The following RRM2 variants were observed in gnomAD, a reference collection of about 807,000 sequenced individuals.
RRM2 encodes the protein ribonucleotide reductase regulatory subunit M2, also known as ribonucleoside-diphosphate reductase subunit M2.
In RRM2, 6 loss-of-function variants were observed where a neutral mutation model predicts 45.9. That is an observed-to-expected ratio of 0.13 (90% CI 0.07 to 0.26). The LOEUF (loss-of-function observed/expected upper bound fraction) is 0.26. Ranked by LOEUF, RRM2 falls within the 10% of genes least tolerant of loss-of-function variation. The probability of loss-of-function intolerance (pLI) is 1.00; values close to 1 mark genes in which losing one functional copy is unlikely to be tolerated. For synonymous variants in RRM2, 177 were observed against 173.0 expected (o/e 1.02, Z -0.18); for missense variants, 343 against 489.5 (o/e 0.70, Z 2.82).
intron 3 of RRM2, among the ~76,000 whole-genome samples, chr2:10,163,682 C>T (rs965064816): frequency 1.3e-5 from 2 of 152,234 alleles, no homozygotes; most frequent in African/African-American, 4.8e-5. Context: ...CAGGCGCGAG[C>T]CTCGGTTCCC....
chr2:10,186,284 A>G (rs1664163638), intron 3 of RRM2, among the ~76,000 whole-genome samples: 1 of 150,486 alleles, frequency 6.6e-6, no homozygotes, highest in African/African-American at 2.4e-5. Context: ...AGTAGCTGGG[A>G]TTACAGGCGC....
intron 3 of RRM2, among the ~76,000 whole-genome samples, chr2:10,200,563 AAAATATGAGGCCCACAGGGACCGCGCGCG>A (rs1558406827): frequency 0.024 from 404 of 16,514 alleles, 9 homozygotes; most frequent in East Asian, 0.058. Flanking sequence ...CCGCGCGCGC[AAAATATGAGGCCCACAGGGACCGCGCGCG>A]CAAAATATGA....
chr2:10,176,078 G>A (rs1663908821), intron 3 of RRM2, among the ~76,000 whole-genome samples: 1 of 152,116 alleles, frequency 6.6e-6, no homozygotes, highest in African/African-American at 2.4e-5. Flanking sequence ...TTTCATTATG[G>A]ATATCATGGC....
At chr2:10,153,239 A>G (rs919740363) in intron 3 of RRM2, among the ~76,000 whole-genome samples, 1 of 151,994 alleles carries the variant, frequency 6.6e-6, no homozygotes, top group African/African-American at 2.4e-5. Context: ...GAGGCTGAGG[A>G]AGGAGAATCA....
intron 5 of RRM2, among the ~76,000 whole-genome samples, chr2:10,125,634 C>T (rs534610811): frequency 1.3e-3 from 196 of 152,210 alleles, no homozygotes; most frequent in Admixed American, 3.5e-3. Context: ...GCGGAGCTTG[C>T]GCTCCAGCCT....
At position 10,190,536 on chromosome 2, in the gene RRM2, TTGA is replaced by T. The variant is rs377438753; in HGVS notation, n.483-19772_483-19770del. Reference sequence around the variant, plus strand: ...AATAATGACGGTGGTAATGATGGTGTTGATGGTGGTGGTGAGGATGGTGGTGGT... The same window carrying T: ...AATAATGACGGTGGTAATGATGGTGTTGGTGGTGGTGAGGATGGTGGTGGT... On this transcript the variant is annotated intron_variant and non_coding_transcript_variant, in intron 3 of 3. Coordinates refer to the RRM2 transcript ENST00000381786. Among the ~76,000 whole-genome samples, 1,135 of 122,170 alleles carry T rather than the reference TTGA, an allele frequency of 9.3e-3. 24 individuals are homozygous for T. The highest frequency in any genetic ancestry group is 0.034 in the African/African-American group (1,060 of 31,530). The allele number at this position is 122,170 out of a possible 152,430, so 80.1% of individuals were successfully genotyped here. A position where few individuals can be genotyped will look rare whatever the true frequency, so the allele number is the denominator to read the frequency against.
intron 3 of RRM2, among the ~76,000 whole-genome samples, chr2:10,206,020 G>A (rs1664657418): frequency 6.6e-6 from 1 of 152,058 alleles, no homozygotes; most frequent in Non-Finnish European, 1.5e-5. Flanking sequence ...GCCGAAGCGG[G>A]AGGATCATGA....
In RRM2 at chr2:10,186,736, C is replaced by T. The variant is rs572341471; in HGVS notation, n.483-23575C>T. Among the ~76,000 whole-genome samples, 4 of 152,356 alleles carry T rather than the reference C, an allele frequency of 2.6e-5. No individual in the cohort carries two copies. In the South Asian group the frequency reaches 8.3e-4, roughly 32 times the overall value. ...TCCTGCTTAGCACATAGTAAGTGCT[C>T]AGCGAACTTACTTACCACTTATTAC... On this transcript the variant is annotated intron_variant and non_coding_transcript_variant, in intron 3 of 3. Transcript: ENST00000381786.
chr2:10,190,072 T>TG, intron 3 of RRM2, among the ~76,000 whole-genome samples: 1 of 147,972 alleles, frequency 6.8e-6, no homozygotes, highest in Non-Finnish European at 1.5e-5. Flanking sequence ...GTGGTGATGG[T>TG]TATGATGGTG....
At chr2:10,203,865 C>T (rs1373081642) in intron 3 of RRM2, among the ~76,000 whole-genome samples, 5 of 152,062 alleles carry the variant, frequency 3.3e-5, no homozygotes, top group African/African-American at 9.7e-5. Context: ...AACTCTCAGG[C>T]TCTTTCTCCA....
rs944195519 is a variant in RRM2 at position 10,142,556 on chromosome 2, C to T, written n.482+181C>T. Reference sequence around the variant, plus strand: ...TACGTGTGGCCAGGCGGGGGAGCTTCGCCCTCCCATGTCCCTCACCCCATG... The same window carrying T: ...TACGTGTGGCCAGGCGGGGGAGCTTTGCCCTCCCATGTCCCTCACCCCATG... On this transcript the variant is annotated intron_variant and non_coding_transcript_variant, in intron 3 of 3. Coordinates refer to the RRM2 transcript ENST00000381786. Among the ~76,000 whole-genome samples the T allele has an allele frequency of 1.3e-4, 20 of 149,532 alleles. No individual in the cohort carries two copies. In the Middle Eastern group the frequency reaches 0.01, roughly 76 times the overall value.
intron 3 of RRM2, among the ~76,000 whole-genome samples, chr2:10,190,202 A>G (rs917710035): frequency 2.3e-4 from 21 of 90,044 alleles, no homozygotes; most frequent in Admixed American, 4.2e-4. Flanking sequence ...TGGTGGTGGT[A>G]CTGATGATGG....
At chr2:10,202,590 G>C (rs1664588365) in intron 3 of RRM2, among the ~76,000 whole-genome samples, 1 of 152,114 alleles carries the variant, frequency 6.6e-6, no homozygotes, top group Non-Finnish European at 1.5e-5. Flanking sequence ...TTTATTTTGG[G>C]GTGAGAAGGT....
chr2:10,190,412 TGGG>T (rs749870286), intron 3 of RRM2, among the ~76,000 whole-genome samples: 11 of 121,056 alleles, frequency 9.1e-5, no homozygotes, highest in Non-Finnish European at 1.3e-4. Context: ...ATGGTGGTGA[TGGG>T]GGGGTTGGTG....
At chr2:10,187,442 G>A (rs1163157544) in intron 3 of RRM2, among the ~76,000 whole-genome samples, 2 of 152,218 alleles carry the variant, frequency 1.3e-5, no homozygotes, top group Non-Finnish European at 2.9e-5. Context: ...AAGGTGGCCC[G>A]GGGCCAACTG....
At chr2:10,154,614 G>A (rs950600908) in intron 3 of RRM2, among the ~76,000 whole-genome samples, 1 of 151,928 alleles carries the variant, frequency 6.6e-6, no homozygotes, top group Non-Finnish European at 1.5e-5. Context: ...GAAGAAAGGA[G>A]GAGGACCAAG....
intron 3 of RRM2, among the ~76,000 whole-genome samples, chr2:10,200,004 TG>T (rs1241477594): frequency 6.6e-6 from 1 of 152,004 alleles, no homozygotes; most frequent in Non-Finnish European, 1.5e-5. Context: ...AGCTAATTTT[TG>T]TATTTTTAGT....
intron 3 of RRM2, among the ~76,000 whole-genome samples, chr2:10,160,363 C>G (rs760610006): frequency 1.3e-5 from 2 of 152,212 alleles, no homozygotes; most frequent in Admixed American, 1.3e-4. Flanking sequence ...AGGGTCCCTG[C>G]TGCCTGCACG....
chr2:10,164,241 A>G (rs1026680935), intron 3 of RRM2, among the ~76,000 whole-genome samples: 2 of 152,220 alleles, frequency 1.3e-5, no homozygotes, highest in African/African-American at 4.8e-5. Flanking sequence ...AGAACCAGCT[A>G]TGGAGCTGGC....
Sources: gnomAD v4.1 joint callset for allele counts (sites outside exome capture counted in the v4.1 genomes callset) on GRCh38, gnomAD v4.1.1 for gene constraint, MANE v1.5 for transcripts, NCBI Gene and HGNC (gene_info 2026-07-23, HGNC 2026-07-21) for gene names.